TBPL1: variants seen among roughly 807,000 people sequenced by gnomAD.
TBPL1 encodes the protein TATA box-binding protein-like 1.
TBPL1 carries 4 observed loss-of-function variants against 22.1 expected under a neutral mutation model. That is an observed-to-expected ratio of 0.18 (90% CI 0.09 to 0.41). TBPL1 has a LOEUF of 0.41. TBPL1 is among the 10% of genes least tolerant of loss of function. The pLI, the probability that TBPL1 is intolerant of heterozygous loss-of-function variation, is 1.00. For synonymous variants in TBPL1, 64 were observed against 71.0 expected, an observed-to-expected ratio of 0.90 and a Z score of 0.50; for missense variants, 115 against 222.3, an observed-to-expected ratio of 0.52 and a Z score of 3.07.
chr6:133,978,764 G>A (rs12199772), intron 1 of TBPL1, among the ~76,000 whole-genome samples: 1,909 of 152,290 alleles, frequency 0.013, 17 homozygotes, highest in Middle Eastern at 0.02. Flanking sequence ...TGTTCTATCA[G>A]AAACTTAAAG....
chr6:133,973,863 T>C (rs542854496), intron 1 of TBPL1, among the ~76,000 whole-genome samples: 49 of 152,280 alleles, frequency 3.2e-4, no homozygotes, highest in Middle Eastern at 3.4e-3. Context: ...GATCAAGCTA[T>C]GTCTTAATAT....
chr6:133,984,453 C>G lies in TBPL1; in HGVS notation c.360C>G (p.Phe120Leu). Residue 120 changes from phenylalanine to leucine, a missense_variant, in exon 5 of 7, where the codon TTC (phenylalanine) becomes TTG (leucine). Coordinates refer to ENST00000237264, the MANE Select transcript of TBPL1 (RefSeq NM_004865.4). ...NMPFEIRLPE[F>L]TKNNRPHASY... ...CATTTGAAATCCGTTTGCCAGAATT[C>G]ACAAAGAACAATAGACCTCATGCCA... The G allele has an allele frequency of 6.2e-7, 1 of 1,613,718 alleles. No individual in the cohort carries two copies. Among genetic ancestry groups the G allele is most frequent in the African/African-American group, 1.3e-5 (1 of 74,988 alleles).
chr6:133,956,136 C>G (rs1181906854), intron 1 of TBPL1, among the ~76,000 whole-genome samples: 2 of 152,120 alleles, frequency 1.3e-5, no homozygotes, highest in Non-Finnish European at 2.9e-5. Flanking sequence ...TCTGTTTCAT[C>G]ATAGACCATG....
rs563968049 is a variant in TBPL1, at chr6:133,971,836, T to C, written c.-44-8246T>C. On this transcript the variant is annotated intron_variant, in intron 1 of 6. Transcript: ENST00000237264. ...ATATATATTCTGGATATTAATCTCT[T>C]ATCAGATATATAATTTGCACATATT... Among the ~76,000 whole-genome samples the C allele has an allele frequency of 9.2e-5, 14 of 152,304 alleles. No homozygotes were observed. In the East Asian group the frequency reaches 2.7e-3, roughly 29 times the overall value.
At chr6:133,974,240 G>A (rs1776274339) in intron 1 of TBPL1, among the ~76,000 whole-genome samples, 1 of 152,170 alleles carries the variant, frequency 6.6e-6, no homozygotes, top group African/African-American at 2.4e-5. Flanking sequence ...ATATAAGACT[G>A]TACTGTATTT....
At position 133,982,817 on chromosome 6, in the gene TBPL1, TGAA is replaced by T; in HGVS notation, c.227_229del (p.Glu76del). 1 of 1,610,716 alleles carries T rather than the reference TGAA, an allele frequency of 6.2e-7. No homozygotes were observed. Among genetic ancestry groups the T allele is most frequent in the Non-Finnish European group, 8.5e-7 (1 of 1,179,126 alleles). ...TCTTTTTCTTTCCTTAAAACCGTAG[TGAA>T]GAAGAAGCTAAATTTGGTGCCAGAC... On this transcript the variant is annotated inframe_deletion and splice_region_variant, in exon 4 of 7. Coordinates refer to ENST00000237264, the MANE Select transcript of TBPL1 (RefSeq NM_004865.4).
At chr6:133,966,176 A>T (rs1338653034) in intron 1 of TBPL1, among the ~76,000 whole-genome samples, 1 of 152,030 alleles carries the variant, frequency 6.6e-6, no homozygotes, top group Non-Finnish European at 1.5e-5. Context: ...TTACAGTTAA[A>T]CTCTGCAGAC....
rs552177239 is a variant in TBPL1, at chr6:133,990,245, G to C, written c.*3205G>C. 1 of 152,706 alleles carries C rather than the reference G, an allele frequency of 6.5e-6. No homozygotes were observed. Among genetic ancestry groups the C allele is most frequent in the South Asian group, 2.1e-4 (1 of 4,820 alleles). 9.5% of individuals were successfully genotyped at this position (152,706 alleles called of 1,614,324 possible). A position where few individuals can be genotyped will look rare whatever the true frequency, so the allele number is the denominator to read the frequency against. ...TAGTGATATTCCTGAGGAGTGTGAA[G>C]AATTGGACACTGTGGATTACTATAC... On this transcript the variant is annotated 3_prime_UTR_variant, in exon 7 of 7. Coordinates refer to ENST00000237264, the MANE Select transcript of TBPL1 (RefSeq NM_004865.4).
intron 1 of TBPL1, among the ~76,000 whole-genome samples, chr6:133,959,430 G>A (rs1470189608): frequency 6.6e-6 from 1 of 152,144 alleles, no homozygotes; most frequent in African/African-American, 2.4e-5. Context: ...TTGAGACAAA[G>A]TTCTGTCTAA....
intron 1 of TBPL1, among the ~76,000 whole-genome samples, chr6:133,968,451 T>C (rs1033124588): frequency 1.3e-5 from 2 of 152,244 alleles, no homozygotes; most frequent in Non-Finnish European, 2.9e-5. Flanking sequence ...TTTTTTCCTT[T>C]ATCCACAATA....
chr6:133,959,180 CA>C (rs1775977115), intron 1 of TBPL1, among the ~76,000 whole-genome samples: 1 of 152,118 alleles, frequency 6.6e-6, no homozygotes, highest in Non-Finnish European at 1.5e-5. Context: ...GTTGGGATTA[CA>C]GGCATGCGCC....
Position 133,987,078 on chromosome 6 carries a change from C to T in TBPL1, c.*38C>T, listed in dbSNP as rs117173630. ...TTGGTTAGAATCTCTAACTGAGCAC[C>T]TTTTAAACCTGCTGCACATTGGACT... On this transcript the variant is annotated 3_prime_UTR_variant, in exon 7 of 7. Transcript: ENST00000237264. The T allele has an allele frequency of 8.2e-6, 12 of 1,457,052 alleles. No individual in the cohort carries two copies. Among genetic ancestry groups the T allele is most frequent in the Non-Finnish European group, 1.1e-5 (12 of 1,049,474 alleles). The allele number at this position is 1,457,052 out of a possible 1,614,324, so 90.3% of individuals were successfully genotyped here.
intron 1 of TBPL1, among the ~76,000 whole-genome samples, chr6:133,958,036 CTTT>C (rs962526109): frequency 6.6e-6 from 1 of 152,114 alleles, no homozygotes; most frequent in Non-Finnish European, 1.5e-5. Context: ...GGGGGAAGTA[CTTT>C]TTTTAAGTTT....
intron 6 of TBPL1, 46 bp downstream of exon 6, chr6:133,984,717 G>A: frequency 6.9e-7 from 1 of 1,444,268 alleles, no homozygotes; most frequent in Non-Finnish European, 9.7e-7. Context: ...TGGATTGAAT[G>A]ATACAAGATG....
At chr6:133,983,207 CCAGGT>C (rs1048446836) in intron 4 of TBPL1, among the ~76,000 whole-genome samples, 2 of 152,166 alleles carry the variant, frequency 1.3e-5, no homozygotes, top group African/African-American at 4.8e-5. Context: ...CTCAAGAATG[CCAGGT>C]CAGAATGGTG....
intron 1 of TBPL1, among the ~76,000 whole-genome samples, chr6:133,969,542 A>G (rs1776182357): frequency 6.6e-6 from 1 of 152,108 alleles, no homozygotes; most frequent in Admixed American, 6.5e-5. Flanking sequence ...TTTTGCTTTC[A>G]CTTAAGCATT....
chr6:133,981,726 A>G (rs1425009095), intron 2 of TBPL1, among the ~76,000 whole-genome samples: 1 of 152,254 alleles, frequency 6.6e-6, no homozygotes, highest in African/African-American at 2.4e-5. Flanking sequence ...AAAAATTTTA[A>G]GCAGAAACAT....
intron 1 of TBPL1, among the ~76,000 whole-genome samples, chr6:133,969,251 C>CTTTTT (rs536421364): frequency 8.2e-6 from 1 of 122,596 alleles, no homozygotes; most frequent in Non-Finnish European, 1.7e-5. Flanking sequence ...ATAAAATACA[C>CTTTTT]TTTTTTTTTT....
At chr6:133,954,127 A>G (rs934735899) in intron 1 of TBPL1, among the ~76,000 whole-genome samples, 2 of 152,218 alleles carry the variant, frequency 1.3e-5, no homozygotes, top group Admixed American at 6.5e-5. Flanking sequence ...TCTCCTGCCG[A>G]GATGTGCATC....
Sources: gnomAD v4.1 joint callset for allele counts (sites outside exome capture counted in the v4.1 genomes callset) on GRCh38, gnomAD v4.1.1 for gene constraint, MANE v1.5 for transcripts, NCBI Gene and HGNC (gene_info 2026-07-23, HGNC 2026-07-21) for gene names.